DIRAS2: variants seen among roughly 807,000 people sequenced by gnomAD.
DIRAS2 encodes DIRAS family GTPase 2.
In DIRAS2, 5 loss-of-function variants were observed where a neutral mutation model predicts 13.9. The ratio of observed to expected loss-of-function variants is 0.36; its 90% CI spans 0.19 to 0.76. The LOEUF (loss-of-function observed/expected upper bound fraction) is 0.76. DIRAS2 is among the 30% of genes least tolerant of loss of function. The pLI is 0.53. For missense variants in DIRAS2, 191 were observed against 263.0 expected (o/e 0.73, Z 1.89); for synonymous variants, 111 against 105.4 (o/e 1.05, Z -0.33).
chr9:90,627,541 G>A (rs1825281307), intron 1 of DIRAS2, among the ~76,000 whole-genome samples: 1 of 152,206 alleles, frequency 6.6e-6, no homozygotes, highest in South Asian at 2.1e-4. Flanking sequence ...AAGGACAGTT[G>A]TTGTTTCATG....
chr9:90,610,486 C>A lies in DIRAS2; in HGVS notation c.*2742G>T, dbSNP rs1478350048. The A allele has an allele frequency of 1.0e-5, 4 of 398,762 alleles. No homozygotes were observed. Among genetic ancestry groups the A allele is most frequent in the Non-Finnish European group, 1.8e-5 (4 of 226,050 alleles). The allele number at this position is 398,762 out of a possible 1,614,324, so 24.7% of individuals were successfully genotyped here. ...AAGTCATGGAGCCCCATGCTCATGC[C>A]CAGAGCGCCATCTTCAAAGCAATAT... is the stretch of plus-strand genomic sequence containing the variant. On this transcript the variant is annotated 3_prime_UTR_variant, in exon 2 of 2. Coordinates refer to ENST00000375765, the MANE Select transcript of DIRAS2 (RefSeq NM_017594.5).
Position 90,610,449 on chromosome 9 carries a change from G to A in DIRAS2, c.*2779C>T, listed in dbSNP as rs1217701025. On this transcript the variant is annotated 3_prime_UTR_variant, in exon 2 of 2. Coordinates refer to ENST00000375765, the MANE Select transcript of DIRAS2 (RefSeq NM_017594.5). ...TCGCTGGATGGAGGAGGGGCTCATG[G>A]GGATAGAAGGGAAGTCATGGAGCCC... 7.5e-6 allele frequency: 3 copies of A among 398,840 alleles called. No individual in the cohort carries two copies. The highest frequency in any genetic ancestry group is 1.3e-5 in the Non-Finnish European group (3 of 226,062). The allele number at this position is 398,840 out of a possible 1,614,324, so 24.7% of individuals were successfully genotyped here.
chr9:90,641,487 A>G (rs1051447760), intron 1 of DIRAS2, among the ~76,000 whole-genome samples: 6 of 152,190 alleles, frequency 3.9e-5, no homozygotes, highest in Non-Finnish European at 7.3e-5. Flanking sequence ...TTATTTCTAT[A>G]AAATGAACTA....
At chr9:90,615,664 G>A (rs1319422252) in intron 1 of DIRAS2, among the ~76,000 whole-genome samples, 1 of 152,150 alleles carries the variant, frequency 6.6e-6, no homozygotes, top group Admixed American at 6.5e-5. Flanking sequence ...GAAGAAGCTG[G>A]ATCTGGTGAG....
At position 90,613,640 on chromosome 9, in the gene DIRAS2, G is replaced by C. The variant is rs775534494; in HGVS notation, c.188C>G (p.Thr63Arg). Residue 63 changes from threonine (T) to arginine (R), a missense_variant, in exon 2 of 2, where the codon ACG becomes AGG. Transcript: ENST00000375765. This position sits in a 1 kb window ranked among gnomAD's most constrained non-coding sequence, Gnocchi z 5.6. ...CATGGCCGGGAACTGGTGGCTCCCC[G>C]TCGTGTCGGTGATCTGCAATGTGCA... Reference protein sequence around the residue: ...SICTLQITDTTGSHQFPAMQR... With the variant: ...SICTLQITDTRGSHQFPAMQR... 1 of 1,614,028 alleles carries C rather than the reference G, an allele frequency of 6.2e-7. No individual in the cohort carries two copies. The highest frequency in any genetic ancestry group is 8.5e-7 in the Non-Finnish European group (1 of 1,180,024).
At chr9:90,630,026 C>T (rs1825309436) in intron 1 of DIRAS2, among the ~76,000 whole-genome samples, 1 of 152,204 alleles carries the variant, frequency 6.6e-6, no homozygotes, top group Admixed American at 6.5e-5. Context: ...TACTTTGATA[C>T]ATATATTCTT....
intron 1 of DIRAS2, among the ~76,000 whole-genome samples, chr9:90,630,656 A>G (rs1167840891): frequency 6.6e-6 from 1 of 152,276 alleles, no homozygotes; most frequent in Non-Finnish European, 1.5e-5. Context: ...AAAGAGTTGC[A>G]GAACTAATAT....
chr9:90,628,860 CT>C (rs71360440), intron 1 of DIRAS2, among the ~76,000 whole-genome samples: 36 of 147,810 alleles, frequency 2.4e-4, no homozygotes, highest in South Asian at 4.3e-4. Flanking sequence ...AAATATATTA[CT>C]TTTTTTTTTT....
intron 1 of DIRAS2, among the ~76,000 whole-genome samples, chr9:90,632,770 A>G (rs1825336700): frequency 6.6e-6 from 1 of 152,210 alleles, no homozygotes; most frequent in African/African-American, 2.4e-5. Flanking sequence ...GGGCAGGCTA[A>G]GCGACTTGCC....
Position 90,610,567 on chromosome 9 carries a change from A to G in DIRAS2, c.*2661T>C. ...TCAAAAACTGCTATGCCCATATGCA[A>G]TGTAGGATGTGTTTTCAAGAACCAC... On this transcript the variant is annotated 3_prime_UTR_variant, in exon 2 of 2. Coordinates refer to ENST00000375765, the MANE Select transcript of DIRAS2 (RefSeq NM_017594.5). The G allele has an allele frequency of 2.5e-6, 1 of 396,298 alleles. No individual in the cohort carries two copies. Among genetic ancestry groups the G allele is most frequent in the Non-Finnish European group, 4.4e-6 (1 of 224,932 alleles). The allele number at this position is 396,298 out of a possible 1,614,324, so 24.5% of individuals were successfully genotyped here.
chr9:90,638,664 AC>A (rs1242514364), intron 1 of DIRAS2, among the ~76,000 whole-genome samples: 2 of 149,654 alleles, frequency 1.3e-5, no homozygotes, highest in African/African-American at 5.0e-5. Context: ...GTGTGTGTGC[AC>A]GTAATTGGGG....
chr9:90,631,555 C>G (rs2118574573), intron 1 of DIRAS2, among the ~76,000 whole-genome samples: 1 of 152,224 alleles, frequency 6.6e-6, no homozygotes, highest in East Asian at 1.9e-4. Flanking sequence ...CCAAGGGTGG[C>G]TTGTACCAGG....
At chr9:90,637,093 A>G (rs953203486) in intron 1 of DIRAS2, among the ~76,000 whole-genome samples, 2 of 152,238 alleles carry the variant, frequency 1.3e-5, no homozygotes, top group African/African-American at 4.8e-5. Context: ...ATATCATAAA[A>G]TATATCACTG....
chr9:90,622,658 G>A (rs941717786), intron 1 of DIRAS2, among the ~76,000 whole-genome samples: 1 of 152,092 alleles, frequency 6.6e-6, no homozygotes, highest in Non-Finnish European at 1.5e-5. Flanking sequence ...TTCTTCAGAC[G>A]TTATTTCATT....
intron 1 of DIRAS2, among the ~76,000 whole-genome samples, chr9:90,620,869 G>T (rs943506809): frequency 1.3e-5 from 2 of 152,156 alleles, no homozygotes; most frequent in Non-Finnish European, 2.9e-5. Context: ...GTGGGTGGTG[G>T]TTACACAGAT....
intron 1 of DIRAS2, among the ~76,000 whole-genome samples, chr9:90,614,414 T>C: frequency 6.6e-6 from 1 of 152,116 alleles, no homozygotes; most frequent in East Asian, 1.9e-4. Flanking sequence ...TTATTCAGTG[T>C]TTATATTAAC....
chr9:90,623,908 T>C (rs1825244407), intron 1 of DIRAS2, among the ~76,000 whole-genome samples: 1 of 152,190 alleles, frequency 6.6e-6, no homozygotes, highest in Non-Finnish European at 1.5e-5. Context: ...AAATTATAGA[T>C]TGGAAGAATT....
intron 1 of DIRAS2, among the ~76,000 whole-genome samples, chr9:90,618,971 G>A (rs1204882569): frequency 1.3e-5 from 2 of 152,010 alleles, no homozygotes; most frequent in African/African-American, 4.8e-5. Context: ...ATGAAATCTT[G>A]TCTCTAAAAA....
rs1825124859 is a variant in DIRAS2 at position 90,612,610 on chromosome 9, T to C, written c.*618A>G. ...ATACTCTAATAGCTTAAAATGATAC[T>C]TCCTAACTAGGTCTAGGTAAGGTGA... On this transcript the variant is annotated 3_prime_UTR_variant, in exon 2 of 2. Transcript: ENST00000375765. 1 of 153,952 alleles carries C rather than the reference T, an allele frequency of 6.5e-6. No homozygotes were observed. The highest frequency in any genetic ancestry group is 2.0e-4 in the South Asian group (1 of 4,882). The allele number at this position is 153,952 out of a possible 1,614,324, so 9.5% of individuals were successfully genotyped here.
Sources: allele counts gnomAD v4.1 joint callset (sites outside exome capture counted in the v4.1 genomes callset), GRCh38; gene constraint gnomAD v4.1.1; non-coding constraint Gnocchi (gnomAD v3.1); transcripts MANE v1.5; gene names NCBI Gene and HGNC (gene_info 2026-07-23, HGNC 2026-07-21).